The following NLGN1 variants were observed in gnomAD, a reference collection of about 807,000 sequenced individuals.
NLGN1 encodes neuroligin-1.
NLGN1 carries 12 observed loss-of-function variants against 65.5 expected under a neutral mutation model. That is an observed-to-expected ratio of 0.18 (90% confidence interval 0.12 to 0.30). NLGN1 has a LOEUF of 0.30. NLGN1 is among the 10% of genes least tolerant of loss of function. The probability of loss-of-function intolerance (pLI) is 1.00; values close to 1 mark genes in which losing one functional copy is unlikely to be tolerated. For missense variants in NLGN1, 750 were observed against 1,007.1 expected (o/e 0.74, Z 3.46); for synonymous variants, 350 against 359.5 (o/e 0.97, Z 0.30).
At chr3:173,971,616 T>C (rs1177458839) in intron 4 of NLGN1, among the ~76,000 whole-genome samples, 3 of 152,052 alleles carry the variant, frequency 2.0e-5, no homozygotes, top group Non-Finnish European at 4.4e-5. Context: ...AAACAGTATA[T>C]ATGAAATGCT....
At chr3:174,118,516 A>G (rs1019298160) in intron 4 of NLGN1, among the ~76,000 whole-genome samples, 1 of 152,188 alleles carries the variant, frequency 6.6e-6, no homozygotes, top group Non-Finnish European at 1.5e-5. Flanking sequence ...CAATTTCAAC[A>G]TGTTGCAATA....
At chr3:173,461,227 G>A (rs1215353556) in intron 2 of NLGN1, among the ~76,000 whole-genome samples, 1 of 152,160 alleles carries the variant, frequency 6.6e-6, no homozygotes, top group Non-Finnish European at 1.5e-5. Flanking sequence ...GGGTGGTAAA[G>A]TACCAAATTC....
intron 4 of NLGN1, among the ~76,000 whole-genome samples, chr3:174,159,173 T>C (rs1459103184): frequency 1.3e-5 from 2 of 151,670 alleles, no homozygotes; most frequent in African/African-American, 4.8e-5. Flanking sequence ...GCTACTACCA[T>C]AGAAGCAAGA....
chr3:173,908,878 A>G (rs910065390), intron 4 of NLGN1, among the ~76,000 whole-genome samples: 2 of 152,120 alleles, frequency 1.3e-5, no homozygotes, highest in Non-Finnish European at 2.9e-5. Flanking sequence ...TTTAATGGGG[A>G]CTATTGGCAG....
intron 1 of NLGN1, among the ~76,000 whole-genome samples, chr3:173,422,540 A>T (rs1715293280): frequency 6.6e-6 from 1 of 152,154 alleles, no homozygotes; most frequent in Non-Finnish European, 1.5e-5. Context: ...TTTTTGAGGA[A>T]CTATTATACT....
chr3:173,734,990 C>T (rs56380145), intron 3 of NLGN1, among the ~76,000 whole-genome samples: 5,310 of 152,038 alleles, frequency 0.035, 315 homozygotes, highest in African/African-American at 0.12. Flanking sequence ...AAAGGTTTTT[C>T]TTTTTCCTTT....
intron 4 of NLGN1, among the ~76,000 whole-genome samples, chr3:173,808,476 T>G (rs1162191862): frequency 1.3e-5 from 2 of 152,160 alleles, no homozygotes; most frequent in Non-Finnish European, 2.9e-5. Context: ...GACATATTAC[T>G]TATAAAATAA....
intron 2 of NLGN1, among the ~76,000 whole-genome samples, chr3:173,559,666 C>T (rs1285121310): frequency 6.6e-6 from 1 of 152,018 alleles, no homozygotes; most frequent in African/African-American, 2.4e-5. Flanking sequence ...AATCAAATCT[C>T]AATTTTTAAG....
intron 3 of NLGN1, among the ~76,000 whole-genome samples, chr3:173,784,885 A>G (rs187372986): frequency 6.6e-6 from 1 of 152,372 alleles, no homozygotes; most frequent in East Asian, 1.9e-4. Context: ...AAAATTAGGC[A>G]GAGTATCATA....
At chr3:174,152,974 C>G (rs1226863403) in intron 4 of NLGN1, among the ~76,000 whole-genome samples, 2 of 152,144 alleles carry the variant, frequency 1.3e-5, no homozygotes, top group Non-Finnish European at 2.9e-5. Context: ...ATGTACATTC[C>G]TTGCCTGTCT....
intron 3 of NLGN1, among the ~76,000 whole-genome samples, chr3:173,652,592 C>T (rs150389732): frequency 3.3e-4 from 50 of 152,192 alleles, no homozygotes; most frequent in African/African-American, 1.1e-3. Context: ...CAATTCTGTT[C>T]CGTTGATCTA....
chr3:174,271,115 G>A (rs1262840529), intron 4 of NLGN1, among the ~76,000 whole-genome samples: 2 of 151,720 alleles, frequency 1.3e-5, no homozygotes, highest in Non-Finnish European at 3.0e-5. Flanking sequence ...TATAGCTTGA[G>A]CTACATAATG....
At chr3:173,888,415 G>C (rs1180186517) in intron 4 of NLGN1, among the ~76,000 whole-genome samples, 4 of 151,908 alleles carry the variant, frequency 2.6e-5, no homozygotes, top group Admixed American at 6.6e-5. Flanking sequence ...TTGTTATACT[G>C]TAATTTTAAA....
chr3:173,495,901 C>A (rs933561410), intron 2 of NLGN1, among the ~76,000 whole-genome samples: 1 of 151,702 alleles, frequency 6.6e-6, no homozygotes, highest in African/African-American at 2.4e-5. Flanking sequence ...TGATTTGAAT[C>A]ATAGAGTTTG....
chr3:173,508,835 A>C (rs993703934), intron 2 of NLGN1, among the ~76,000 whole-genome samples: 1 of 152,206 alleles, frequency 6.6e-6, no homozygotes, highest in Non-Finnish European at 1.5e-5. Flanking sequence ...TGAGGGAGGC[A>C]GACTGTTTCC....
At chr3:173,398,649 T>C (rs1287682481) in intron 1 of NLGN1, among the ~76,000 whole-genome samples, 2 of 152,218 alleles carry the variant, frequency 1.3e-5, no homozygotes, top group East Asian at 3.8e-4. Context: ...TCATGAACAG[T>C]TGGCCTCCAC....
At chr3:173,803,817 T>C (rs186562882) in intron 3 of NLGN1, among the ~76,000 whole-genome samples, 155 of 152,178 alleles carry the variant, frequency 1.0e-3, no homozygotes, top group Middle Eastern at 3.4e-3. Context: ...AAGTCTGCCT[T>C]GAAATGTGTT....
intron 4 of NLGN1, among the ~76,000 whole-genome samples, chr3:174,255,716 T>C (rs1053759758): frequency 5.3e-5 from 8 of 151,786 alleles, no homozygotes. Flanking sequence ...CGGAGTGCAA[T>C]AGTGTGATCT....
At chr3:173,572,103 T>G (rs1744746257) in intron 2 of NLGN1, among the ~76,000 whole-genome samples, 1 of 152,202 alleles carries the variant, frequency 6.6e-6, no homozygotes, top group African/African-American at 2.4e-5. Context: ...CAGGATCCAA[T>G]TTAAGGAGGA....
Sources: allele counts gnomAD v4.1 joint callset (sites outside exome capture counted in the v4.1 genomes callset), GRCh38; gene constraint gnomAD v4.1.1; transcripts MANE v1.5; gene names NCBI Gene and HGNC (gene_info 2026-07-23, HGNC 2026-07-21).